The following TMEM207 variants were observed in gnomAD, a reference collection of about 807,000 sequenced individuals.
The protein encoded by TMEM207 is transmembrane protein 207, also known as SRSR846.
Under a neutral mutation model 17.4 loss-of-function variants are expected in TMEM207, and 15 were observed. The observed-to-expected ratio is 0.86, with a 90% CI of 0.58 to 1.33. TMEM207 has a LOEUF of 1.33. Among genes scored for constraint, TMEM207 ranks in the 40% most tolerant of loss-of-function variants. The pLI, the probability that TMEM207 is intolerant of heterozygous loss-of-function variation, is 0.00. For synonymous variants in TMEM207, 70 were observed against 65.6 expected, an observed-to-expected ratio of 1.07 and a Z score of -0.33; for missense variants, 205 against 173.8, an observed-to-expected ratio of 1.18 and a Z score of -1.01.
At chr3:190,439,195 A>T (rs2108535395) in intron 4 of TMEM207, among the ~76,000 whole-genome samples, 1 of 151,606 alleles carries the variant, frequency 6.6e-6, no homozygotes, top group East Asian at 1.9e-4. Flanking sequence ...AAAAAAAAAA[A>T]AAAAAGAACC....
At chr3:190,434,489 C>T (rs74762978) in intron 4 of TMEM207, among the ~76,000 whole-genome samples, 14,082 of 152,236 alleles carry the variant, frequency 0.093, 863 homozygotes, top group Non-Finnish European at 0.14. Context: ...GATAGTGAGG[C>T]TTCCCCAGCC....
intron 4 of TMEM207, among the ~76,000 whole-genome samples, chr3:190,438,588 A>T (rs1719855549): frequency 6.6e-6 from 1 of 152,214 alleles, no homozygotes; most frequent in African/African-American, 2.4e-5. Flanking sequence ...TTAAAACGAA[A>T]ATTCTTTTAA....
chr3:190,430,321 G>T (rs1210084011), intron 4 of TMEM207, among the ~76,000 whole-genome samples: 1 of 151,622 alleles, frequency 6.6e-6, no homozygotes, highest in East Asian at 1.9e-4. Context: ...CATAATATAG[G>T]CCATTAACTA....
chr3:190,441,460 G>C lies in TMEM207; in HGVS notation c.136C>G (p.His46Asp), dbSNP rs1451545997. ...DEMCVNYNDQ[H>D]PNGWYIWILL... ...TACCAGATATACCAGCCATTAGGGT[G>C]TTGGTCATTATAATTTACACACCTG... The change falls in exon 3 of 5, where the codon CAC (histidine) becomes GAC (aspartate). Residue 46 changes from histidine to aspartate, a missense_variant. Transcript: ENST00000354905. The C allele has an allele frequency of 6.2e-7, 1 of 1,611,988 alleles. No homozygotes were observed. Among genetic ancestry groups the C allele is most frequent in the Non-Finnish European group, 8.5e-7 (1 of 1,178,804 alleles).
Position 190,447,803 on chromosome 3 carries a change from C to A in TMEM207, c.100G>T (p.Glu34Ter). 6.2e-7 allele frequency: 1 copy of A among 1,611,670 alleles called. No individual in the cohort carries two copies. The highest frequency in any genetic ancestry group is 8.5e-7 in the Non-Finnish European group (1 of 1,179,058). The change falls in exon 2 of 5, where the codon GAA (glutamate) becomes TAA (stop). Residue 34 changes from glutamate (E) to a stop codon, truncating the protein, a stop_gained. Transcript: ENST00000354905. LOFTEE classifies it high-confidence loss of function. ...CTGTTTACTTACATTTCATCTTCTT[C>A]GCATGGTAGGTCCGAGAGCACCAAC... ...FQLVLSDLPC[E>*]EDEMCVNYND...
At chr3:190,429,808 C>G in intron 4 of TMEM207, 77 bp from the exon 5 acceptor site, 1 of 1,430,218 alleles carries the variant, frequency 7.0e-7, no homozygotes, top group South Asian at 1.6e-5. Flanking sequence ...CCGATAAAAT[C>G]TGGCATTGCT....
intron 4 of TMEM207, among the ~76,000 whole-genome samples, chr3:190,433,651 T>A (rs1719738856): frequency 6.6e-6 from 1 of 152,156 alleles, no homozygotes; most frequent in Non-Finnish European, 1.5e-5. Flanking sequence ...AAAATCACTG[T>A]CTGTGGCTCA....
In TMEM207 at chr3:190,440,197, A is replaced by G. The variant is rs751959366; in HGVS notation, c.304+47T>C. On this transcript the variant is annotated intron_variant, in intron 4 of 4. Transcript: ENST00000354905. Reference sequence around the variant, plus strand: ...AGAACAGTTTTTCAATTAACCGCAAAACCACAAAGTATCAAAAAAGAGTCC... The same window carrying G: ...AGAACAGTTTTTCAATTAACCGCAAGACCACAAAGTATCAAAAAAGAGTCC... 3 of 1,560,366 alleles carry G rather than the reference A, an allele frequency of 1.9e-6. No individual in the cohort carries two copies. The African/African-American group carries it at 4.2e-5, about 22-fold the overall frequency.
At chr3:190,437,856 C>T (rs563300984) in intron 4 of TMEM207, among the ~76,000 whole-genome samples, 2 of 151,122 alleles carry the variant, frequency 1.3e-5, no homozygotes, top group South Asian at 4.2e-4. Context: ...CCCAAATGTC[C>T]AACAATGATA....
chr3:190,439,451 C>T (rs988379617), intron 4 of TMEM207, among the ~76,000 whole-genome samples: 9 of 152,138 alleles, frequency 5.9e-5, no homozygotes, highest in African/African-American at 9.7e-5. Context: ...CTCTGTTAAG[C>T]GCTCCCGAGG....
At chr3:190,445,863 TA>T (rs1720034317) in intron 2 of TMEM207, among the ~76,000 whole-genome samples, 1 of 152,304 alleles carries the variant, frequency 6.6e-6, no homozygotes, top group East Asian at 1.9e-4. Context: ...ATGGAAAATA[TA>T]TGCAAATTGT....
chr3:190,432,592 C>T (rs1719714111), intron 4 of TMEM207, among the ~76,000 whole-genome samples: 1 of 152,082 alleles, frequency 6.6e-6, no homozygotes, highest in Non-Finnish European at 1.5e-5. Context: ...AATATTTACA[C>T]TTAGAACATG....
chr3:190,434,291 G>C (rs1304747322), intron 4 of TMEM207, among the ~76,000 whole-genome samples: 1 of 152,186 alleles, frequency 6.6e-6, no homozygotes, highest in Non-Finnish European at 1.5e-5. Context: ...CGTGTGTTGT[G>C]GGAGGGATCT....
At chr3:190,435,272 A>G (rs1719776720) in intron 4 of TMEM207, among the ~76,000 whole-genome samples, 2 of 152,172 alleles carry the variant, frequency 1.3e-5, no homozygotes, top group Admixed American at 1.3e-4. Flanking sequence ...CTTGGATTGC[A>G]GATGGCCACC....
intron 4 of TMEM207, among the ~76,000 whole-genome samples, chr3:190,436,309 A>ACATC (rs1719802237): frequency 6.6e-6 from 1 of 152,226 alleles, no homozygotes; most frequent in Non-Finnish European, 1.5e-5. Context: ...TCAGTGGGGA[A>ACATC]CATCCCATCT....
intron 2 of TMEM207, among the ~76,000 whole-genome samples, chr3:190,446,233 C>A (rs945547845): frequency 6.6e-6 from 1 of 152,080 alleles, no homozygotes; most frequent in African/African-American, 2.4e-5. Flanking sequence ...GAGATAATGT[C>A]TCAGATCAAA....
At chr3:190,440,199 C>T in intron 4 of TMEM207, 45 bp downstream of exon 4, 2 of 1,566,730 alleles carry the variant, frequency 1.3e-6, no homozygotes, top group Non-Finnish European at 8.6e-7. Context: ...AACCGCAAAA[C>T]CACAAAGTAT....
chr3:190,433,750 C>T (rs951179668), intron 4 of TMEM207, among the ~76,000 whole-genome samples: 5 of 152,112 alleles, frequency 3.3e-5, no homozygotes, highest in Non-Finnish European at 7.4e-5. Context: ...GTGTCCCCAC[C>T]CAAAACCAGT....
intron 2 of TMEM207, among the ~76,000 whole-genome samples, chr3:190,443,145 C>CTTTTTTTTTTTTTTT (rs201791052): frequency 1.4e-5 from 2 of 140,336 alleles, no homozygotes; most frequent in Non-Finnish European, 1.6e-5. Context: ...ATTAAAAAAG[C>CTTTTTTTTTTTTTTT]TTTTTTTTTT....
Sources: gnomAD v4.1 joint callset for allele counts (sites outside exome capture counted in the v4.1 genomes callset) on GRCh38, gnomAD v4.1.1 for gene constraint, MANE v1.5 for transcripts, NCBI Gene and HGNC (gene_info 2026-07-23, HGNC 2026-07-21) for gene names.